The following TRAPPC9 variants were observed in gnomAD, a reference collection of about 807,000 sequenced individuals.
TRAPPC9 encodes IKK2 binding protein.
A neutral mutation model predicts 124.0 loss-of-function variants in TRAPPC9; 83 were observed. The ratio of observed to expected loss-of-function variants is 0.67; its 90% confidence interval spans 0.56 to 0.80. The LOEUF (loss-of-function observed/expected upper bound fraction) is 0.80. Ranked by LOEUF, TRAPPC9 falls within the 30% of genes least tolerant of loss-of-function variation. The pLI, the probability that TRAPPC9 is intolerant of heterozygous loss-of-function variation, is 0.00. For synonymous variants in TRAPPC9, 638 were observed against 617.5 expected (o/e 1.03, Z -0.49); for missense variants, 1,302 against 1,508.3 (o/e 0.86, Z 2.27).
chr8:139,930,099 G>A (rs1025294511), intron 19 of TRAPPC9, among the ~76,000 whole-genome samples: 1 of 152,228 alleles, frequency 6.6e-6, no homozygotes, highest in Non-Finnish European at 1.5e-5. Flanking sequence ...CATATGCTAG[G>A]GGCTGAACAA....
chr8:140,339,499 G>A (rs2067136535), intron 9 of TRAPPC9, among the ~76,000 whole-genome samples: 1 of 152,102 alleles, frequency 6.6e-6, no homozygotes, highest in African/African-American at 2.4e-5. Context: ...TTTTTATAAA[G>A]GAGAAAACTG....
chr8:140,300,518 A>C lies in TRAPPC9; in HGVS notation c.1719T>G (p.Tyr573Ter). 6.2e-7 allele frequency: 1 copy of C among 1,614,238 alleles called. No individual in the cohort carries two copies. The highest frequency in any genetic ancestry group is 8.5e-7 in the Non-Finnish European group (1 of 1,180,040). ...CACGGTTGTGTGCGATAATTGGTGA[A>C]TAGATGAAAGGACTTTTGGTTGACA... Reference protein sequence around the residue: ...QNVSTKSPFIYSPIIAHNRGE... With the variant: ...QNVSTKSPFI The change falls in exon 11 of 23, where the codon TAT becomes TAG. Residue 573 changes from tyrosine (Y) to a stop codon, truncating the protein, a stop_gained. Transcript: ENST00000438773. LOFTEE classifies it high-confidence loss of function.
chr8:139,983,440 T>G (rs1208910254), intron 19 of TRAPPC9, among the ~76,000 whole-genome samples: 1 of 148,490 alleles, frequency 6.7e-6, no homozygotes, highest in Non-Finnish European at 1.5e-5. Context: ...TAGGCCCCCC[T>G]CCTATGTGCT....
chr8:139,999,918 C>T (rs1342644280), intron 18 of TRAPPC9, among the ~76,000 whole-genome samples: 3 of 152,096 alleles, frequency 2.0e-5, no homozygotes, highest in Non-Finnish European at 4.4e-5. Flanking sequence ...TAAAGCAGTA[C>T]TTAGAGAAAA....
intron 7 of TRAPPC9, among the ~76,000 whole-genome samples, chr8:140,393,939 A>T (rs1184280141): frequency 6.6e-6 from 1 of 151,970 alleles, no homozygotes; most frequent in African/African-American, 2.4e-5. Flanking sequence ...AGGGCCACGG[A>T]ACCACATCTG....
intron 2 of TRAPPC9, among the ~76,000 whole-genome samples, chr8:140,449,970 AATG>A (rs2071397282): frequency 6.6e-6 from 1 of 152,256 alleles, no homozygotes; most frequent in Non-Finnish European, 1.5e-5. Context: ...TAAAAGTAAG[AATG>A]AAACAGTTGA....
At chr8:139,867,547 C>T (rs1025240357) in intron 21 of TRAPPC9, among the ~76,000 whole-genome samples, 1 of 152,184 alleles carries the variant, frequency 6.6e-6, no homozygotes, top group Non-Finnish European at 1.5e-5. Flanking sequence ...TAGAGGGAAG[C>T]AAACACCATC....
chr8:139,812,679 T>C (rs1044020136), intron 21 of TRAPPC9, among the ~76,000 whole-genome samples: 2 of 152,200 alleles, frequency 1.3e-5, no homozygotes, highest in African/African-American at 2.4e-5. Flanking sequence ...TAAATAGATA[T>C]TTTTAACCAG....
chr8:140,234,066 G>A (rs1304383147), intron 16 of TRAPPC9, among the ~76,000 whole-genome samples: 1 of 152,176 alleles, frequency 6.6e-6, no homozygotes, highest in Admixed American at 6.5e-5. Context: ...GAGTCATTGA[G>A]ATCAGGGGTC....
At chr8:140,423,502 T>C (rs1407463505) in intron 5 of TRAPPC9, among the ~76,000 whole-genome samples, 2 of 151,448 alleles carry the variant, frequency 1.3e-5, no homozygotes, top group Non-Finnish European at 2.9e-5. Flanking sequence ...TATAACATCA[T>C]TATTCATAAT....
chr8:139,928,748 G>C (rs1832950926), intron 19 of TRAPPC9, among the ~76,000 whole-genome samples: 1 of 151,018 alleles, frequency 6.6e-6, no homozygotes. Flanking sequence ...CCACTCCTGA[G>C]AGTTCCTTCC....
intron 17 of TRAPPC9, among the ~76,000 whole-genome samples, chr8:140,065,755 T>C (rs1842867516): frequency 6.6e-6 from 1 of 152,260 alleles, no homozygotes; most frequent in Admixed American, 6.5e-5. Flanking sequence ...TTATTGCTTA[T>C]TGACAATGCA....
At chr8:140,014,425 G>C (rs115683157) in intron 18 of TRAPPC9, among the ~76,000 whole-genome samples, 188 of 152,176 alleles carry the variant, frequency 1.2e-3, no homozygotes, top group African/African-American at 4.3e-3. Flanking sequence ...CTCCCTGGTG[G>C]GAGAACAGTA....
Position 140,241,470 on chromosome 8 carries a change from G to A in TRAPPC9, c.2431+11307C>T, listed in dbSNP as rs2063854062. ...CCAGCACTTTGGGAGGCTGAGGTGG[G>A]TGAATCATGAGGTGAAGGGATCAAG... On this transcript the variant is annotated intron_variant, in intron 16 of 22. Coordinates refer to ENST00000438773, the MANE Select transcript of TRAPPC9 (RefSeq NM_001160372.4). The surrounding 1 kb of genome is among the most constrained non-coding windows in gnomAD (Gnocchi z 5.0). Among the ~76,000 whole-genome samples, 1 of 151,128 alleles carries A rather than the reference G, an allele frequency of 6.6e-6. No individual in the cohort carries two copies. Among genetic ancestry groups the A allele is most frequent in the Admixed American group, 6.6e-5 (1 of 15,148 alleles).
intron 9 of TRAPPC9, among the ~76,000 whole-genome samples, chr8:140,335,060 A>C (rs546951480): frequency 6.6e-6 from 1 of 152,298 alleles, no homozygotes; most frequent in South Asian, 2.1e-4. Context: ...GTTTGACTCA[A>C]ATCGTGAATG....
At chr8:140,399,240 G>C (rs967836902) in intron 6 of TRAPPC9, among the ~76,000 whole-genome samples, 1 of 152,256 alleles carries the variant, frequency 6.6e-6, no homozygotes, top group African/African-American at 2.4e-5. Flanking sequence ...GGAAATATGG[G>C]GTTGGAGCCC....
intron 5 of TRAPPC9, among the ~76,000 whole-genome samples, chr8:140,422,108 C>G (rs1340653913): frequency 6.6e-6 from 1 of 151,276 alleles, no homozygotes; most frequent in Non-Finnish European, 1.5e-5. Flanking sequence ...GGTGCAAACT[C>G]ATGAGTTTGA....
In TRAPPC9 at chr8:140,063,369, C is replaced by G. The variant is rs1161813946; in HGVS notation, c.2557-39290G>C. Among the ~76,000 whole-genome samples, 1 of 152,162 alleles carries G rather than the reference C, an allele frequency of 6.6e-6. No homozygotes were observed. Among genetic ancestry groups the G allele is most frequent in the South Asian group, 2.1e-4 (1 of 4,824 alleles). Reference sequence around the variant, plus strand: ...GCAGTCAATTCTCACGTACCTTTCACGAGCCAGGTAACACGGTACTCACTT... The same window carrying G: ...GCAGTCAATTCTCACGTACCTTTCAGGAGCCAGGTAACACGGTACTCACTT... On this transcript the variant is annotated intron_variant, in intron 17 of 22. Coordinates refer to ENST00000438773, the MANE Select transcript of TRAPPC9 (RefSeq NM_001160372.4). The surrounding 1 kb of genome is among the most constrained non-coding windows in gnomAD (Gnocchi z 4.3).
At chr8:139,946,703 A>G (rs1216284843) in intron 19 of TRAPPC9, among the ~76,000 whole-genome samples, 1 of 151,482 alleles carries the variant, frequency 6.6e-6, no homozygotes, top group African/African-American at 2.4e-5. Context: ...GGCCCTGGCC[A>G]AGAGCAGTGG....
Sources: allele counts gnomAD v4.1 joint callset (sites outside exome capture counted in the v4.1 genomes callset), GRCh38; gene constraint gnomAD v4.1.1; non-coding constraint Gnocchi (gnomAD v3.1); transcripts MANE v1.5; gene names NCBI Gene and HGNC (gene_info 2026-07-23, HGNC 2026-07-21).